The following ADAMTS9 variants were observed in gnomAD, a reference collection of about 807,000 sequenced individuals.
The protein encoded by ADAMTS9 is ADAM metallopeptidase with thrombospondin type 1 motif 9, also known as A disintegrin and metalloproteinase with thrombospondin motifs 9.
In ADAMTS9, 107 loss-of-function variants were observed where a neutral mutation model predicts 257.1. The observed-to-expected ratio is 0.42, with a 90% CI of 0.36 to 0.49. The LOEUF (loss-of-function observed/expected upper bound fraction) is 0.49, where lower values mean the gene tolerates loss of function less well. Among genes scored for constraint, ADAMTS9 ranks in the 20% least tolerant of loss-of-function variants. The pLI, the probability that ADAMTS9 is intolerant of heterozygous loss-of-function variation, is 0.03. For synonymous variants in ADAMTS9, 982 were observed against 880.9 expected, an observed-to-expected ratio of 1.11 and a Z score of -2.03; for missense variants, 2,353 against 2,469.1, an observed-to-expected ratio of 0.95 and a Z score of 1.00.
At chr3:64,520,409 T>C (rs1004836367) in intron 39 of ADAMTS9, among the ~76,000 whole-genome samples, 11 of 152,152 alleles carry the variant, frequency 7.2e-5, no homozygotes, top group Admixed American at 3.3e-4. Flanking sequence ...AAATTACCAA[T>C]GTTATTCTTT....
intron 14 of ADAMTS9, among the ~76,000 whole-genome samples, chr3:64,632,521 T>C (rs1700391147): frequency 6.6e-6 from 1 of 152,220 alleles, no homozygotes; most frequent in Non-Finnish European, 1.5e-5. Flanking sequence ...GCCTCCATTT[T>C]GAGGCCTGAG....
chr3:64,541,482 C>G (rs1212538084), intron 34 of ADAMTS9, 44 bp downstream of exon 34: 3 of 1,607,472 alleles, frequency 1.9e-6, no homozygotes, highest in African/African-American at 2.7e-5. Flanking sequence ...TGATCACTCA[C>G]TCTAAAAACA....
chr3:64,539,099 A>T, intron 37 of ADAMTS9, 104 bp downstream of exon 37: 1 of 1,195,758 alleles, frequency 8.4e-7, no homozygotes, highest in Non-Finnish European at 1.2e-6. Context: ...TGCCCTCTAG[A>T]GCAACTGTTC....
At chr3:64,677,906 C>A (rs1459251840) in intron 3 of ADAMTS9, among the ~76,000 whole-genome samples, 1 of 152,214 alleles carries the variant, frequency 6.6e-6, no homozygotes, top group Non-Finnish European at 1.5e-5. Context: ...AGACTCCTTT[C>A]TAAACCCATA....
intron 11 of ADAMTS9, 112 bp from the exon 12 acceptor site, chr3:64,642,105 A>T: frequency 1.6e-6 from 2 of 1,224,714 alleles, no homozygotes; most frequent in Non-Finnish European, 2.3e-6. Context: ...GTGGGTTTGA[A>T]ATGCTGCAGG....
At chr3:64,639,436 A>G (rs886916941) in intron 12 of ADAMTS9, among the ~76,000 whole-genome samples, 1 of 151,196 alleles carries the variant, frequency 6.6e-6, no homozygotes, top group Non-Finnish European at 1.5e-5. Context: ...GAAGCTCAAG[A>G]TCCTTTTCTG....
chr3:64,536,130 C>A (rs189732249), intron 37 of ADAMTS9, among the ~76,000 whole-genome samples: 1 of 152,270 alleles, frequency 6.6e-6, no homozygotes, highest in Admixed American at 6.5e-5. Context: ...TCAATATATA[C>A]GTCTACTAAG....
At chr3:64,655,319 G>T (rs758818275) in intron 6 of ADAMTS9, among the ~76,000 whole-genome samples, 5 of 152,134 alleles carry the variant, frequency 3.3e-5, no homozygotes, top group African/African-American at 4.8e-5. Context: ...CCCTCCCCAC[G>T]GGGGGCAGTG....
intron 28 of ADAMTS9, chr3:64,582,818 G>A (rs150708236): frequency 2.0e-4 from 30 of 152,236 alleles, no homozygotes; most frequent in African/African-American, 7.2e-4. Flanking sequence ...ATGTACTGCT[G>A]TCTTAGTCCC....
At chr3:64,533,100 G>T in intron 38 of ADAMTS9, 66 bp downstream of exon 38, 1 of 1,435,932 alleles carries the variant, frequency 7.0e-7, no homozygotes, top group Non-Finnish European at 9.7e-7. Flanking sequence ...CACTACCACA[G>T]TAATAAAGAC....
chr3:64,567,104 A>G (rs975796505), intron 29 of ADAMTS9, among the ~76,000 whole-genome samples: 1 of 152,188 alleles, frequency 6.6e-6, no homozygotes, highest in Non-Finnish European at 1.5e-5. Context: ...TGATGACTGG[A>G]GGATATGGAG....
At chr3:64,621,618 C>T (rs765075976) in intron 18 of ADAMTS9, among the ~76,000 whole-genome samples, 2 of 151,696 alleles carry the variant, frequency 1.3e-5, no homozygotes, top group African/African-American at 2.4e-5. Context: ...AAAAATTACC[C>T]GGGCATGGTG....
chr3:64,577,961 G>A (rs960610109), intron 28 of ADAMTS9, among the ~76,000 whole-genome samples: 3 of 152,158 alleles, frequency 2.0e-5, no homozygotes, highest in Non-Finnish European at 2.9e-5. Context: ...ATTGTGAAAG[G>A]AGCATCTTTA....
chr3:64,624,945 T>G (rs930560814), intron 16 of ADAMTS9, among the ~76,000 whole-genome samples: 1 of 152,170 alleles, frequency 6.6e-6, no homozygotes, highest in African/African-American at 2.4e-5. Context: ...GGGCTTGACA[T>G]GAAGCAGGTA....
At chr3:64,602,897 A>AT (rs954847841) in intron 25 of ADAMTS9, among the ~76,000 whole-genome samples, 4 of 152,166 alleles carry the variant, frequency 2.6e-5, no homozygotes, top group African/African-American at 9.7e-5. Flanking sequence ...TAGGGGCTTT[A>AT]TTATTCATTC....
chr3:64,639,303 T>TTG (rs1319765675), intron 12 of ADAMTS9, among the ~76,000 whole-genome samples: 5 of 144,536 alleles, frequency 3.5e-5, no homozygotes, highest in African/African-American at 1.3e-4. Context: ...GTTTTTTTTT[T>TTG]TTTTTTTTTA....
intron 12 of ADAMTS9, among the ~76,000 whole-genome samples, chr3:64,639,088 G>C (rs973744385): frequency 2.0e-5 from 3 of 152,096 alleles, no homozygotes; most frequent in African/African-American, 7.2e-5. Flanking sequence ...GAATTTCTCT[G>C]AACAAGCTTT....
chr3:64,622,682 G>A lies in ADAMTS9; in HGVS notation c.2390-96C>T, dbSNP rs967834762. 8 of 1,361,372 alleles carry A rather than the reference G, an allele frequency of 5.9e-6. No individual in the cohort carries two copies. In the Admixed American group the frequency reaches 9.6e-5, roughly 16 times the overall value. 84.3% of individuals were successfully genotyped at this position (1,361,372 alleles called of 1,614,324 possible). A position where few individuals can be genotyped will look rare whatever the true frequency, so the allele number is the denominator to read the frequency against. On this transcript the variant is annotated intron_variant, in intron 16 of 39. Coordinates refer to ENST00000498707, the MANE Select transcript of ADAMTS9 (RefSeq NM_182920.2). Reference sequence around the variant, plus strand: ...ATCTGGATAGGTAGAGAGTCGCTGTGCACGGAATGGGGACTTTTGAGGCAG... The same window carrying A: ...ATCTGGATAGGTAGAGAGTCGCTGTACACGGAATGGGGACTTTTGAGGCAG...
At chr3:64,615,837 A>G in intron 20 of ADAMTS9, 123 bp downstream of exon 20, 2 of 1,172,842 alleles carry the variant, frequency 1.7e-6, no homozygotes, top group South Asian at 1.4e-5. Flanking sequence ...GGGGTCAGGC[A>G]TTACAAATCA....
Sources: allele counts gnomAD v4.1 joint callset (sites outside exome capture counted in the v4.1 genomes callset), GRCh38; gene constraint gnomAD v4.1.1; transcripts MANE v1.5; gene names NCBI Gene and HGNC (gene_info 2026-07-23, HGNC 2026-07-21).